The following PCDH11X variants were observed in gnomAD, a reference collection of about 807,000 sequenced individuals.
PCDH11X encodes protocadherin-11 X-linked.
A neutral mutation model predicts 53.3 loss-of-function variants in PCDH11X; 18 were observed. That is an observed-to-expected ratio of 0.34 (90% confidence interval 0.23 to 0.50). PCDH11X has a LOEUF of 0.50. Ranked by LOEUF, PCDH11X falls within the 20% of genes least tolerant of loss-of-function variation. PCDH11X has a pLI of 0.98. For synonymous variants in PCDH11X, 279 were observed against 393.3 expected, an observed-to-expected ratio of 0.71 and a Z score of 3.44; for missense variants, 570 against 1,032.4, an observed-to-expected ratio of 0.55 and a Z score of 6.14.
chrX:92,286,068 G>A (rs943641015), intron 8 of PCDH11X, among the ~76,000 whole-genome samples: 26 of 111,232 alleles, frequency 2.3e-4, no homozygotes, highest in Non-Finnish European at 4.3e-4. Flanking sequence ...CCCTCATTCC[G>A]GTAAACCCAC....
intron 9 of PCDH11X, among the ~76,000 whole-genome samples, chrX:92,402,232 A>G (rs2071402592): frequency 8.9e-6 from 1 of 111,892 alleles, no homozygotes; most frequent in Admixed American, 9.6e-5. Context: ...TACAGATTCA[A>G]TTCTATTCCT....
chrX:92,416,936 A>G (rs1433007715), intron 9 of PCDH11X, among the ~76,000 whole-genome samples: 1 of 110,825 alleles, frequency 9.0e-6, no homozygotes. Context: ...ATTTTTTTTT[A>G]GTTTAACATT....
chrX:91,971,115 T>G (rs1456845462), intron 6 of PCDH11X, among the ~76,000 whole-genome samples: 1 of 111,987 alleles, frequency 8.9e-6, no homozygotes, highest in Non-Finnish European at 1.9e-5. Flanking sequence ...GTAAGAGATG[T>G]ATAGCTCAAG....
intron 10 of PCDH11X, among the ~76,000 whole-genome samples, chrX:92,505,199 TAA>T: frequency 1.1e-5 from 1 of 93,971 alleles, no homozygotes; most frequent in Non-Finnish European, 2.1e-5. Flanking sequence ...CACTTTAGTT[TAA>T]TTAAGTCACA....
intron 6 of PCDH11X, among the ~76,000 whole-genome samples, chrX:91,932,727 A>G (rs2061404512): frequency 1.8e-5 from 2 of 111,269 alleles, no homozygotes; most frequent in South Asian, 3.8e-4. Context: ...AGAAAGAGAT[A>G]GAGGGAGAGA....
intron 6 of PCDH11X, among the ~76,000 whole-genome samples, chrX:92,024,730 A>C (rs1469223490): frequency 2.2e-3 from 234 of 108,240 alleles, no homozygotes; most frequent in African/African-American, 7.4e-3. Flanking sequence ...AAAAAAAAAA[A>C]AAAAAAACAA....
chrX:92,226,402 T>C (rs957036946), intron 7 of PCDH11X, among the ~76,000 whole-genome samples: 9 of 111,491 alleles, frequency 8.1e-5, no homozygotes, highest in African/African-American at 2.9e-4. Flanking sequence ...TCTTGTCCTG[T>C]CTATGCTATT....
intron 10 of PCDH11X, among the ~76,000 whole-genome samples, chrX:92,575,387 CTAATTTAAATTTTAAAAATTTAA>C (rs1922711226): frequency 9.2e-6 from 1 of 108,201 alleles, no homozygotes; most frequent in Non-Finnish European, 1.9e-5. Flanking sequence ...TGAAAATTTA[CTAATTTAAATTTTAAAAATTTAA>C]TAATTTTTAT....
chrX:91,815,379 C>CCTGAATG (rs1431831210), intron 4 of PCDH11X, among the ~76,000 whole-genome samples: 1 of 111,279 alleles, frequency 9.0e-6, no homozygotes, highest in African/African-American at 3.3e-5. Context: ...GATGTGAAGC[C>CCTGAATG]CTGAATGGTT....
intron 7 of PCDH11X, among the ~76,000 whole-genome samples, chrX:92,227,883 T>C (rs763347800): frequency 9.0e-6 from 1 of 111,512 alleles, no homozygotes; most frequent in South Asian, 3.7e-4. Context: ...GCAAAATAGT[T>C]GTATATATTT....
rs145126417 is a variant in PCDH11X, at chrX:92,520,955, G to A, written c.3367+52633G>A. Among the ~76,000 whole-genome samples, 17 of 111,143 alleles carry A rather than the reference G, an allele frequency of 1.5e-4. No individual in the cohort carries two copies. The East Asian group carries it at 4.9e-3, about 32-fold the overall frequency. ...TGGAGCAATTCAGTCACATCTTCAG[G>A]CTGCACTTTTAATTCTAGTTCTCTT... On this transcript the variant is annotated intron_variant, in intron 10 of 10. Coordinates refer to ENST00000682573, the MANE Select transcript of PCDH11X (RefSeq NM_032968.5).
chrX:92,199,644 C>G (rs181977989), intron 6 of PCDH11X, among the ~76,000 whole-genome samples: 1 of 109,734 alleles, frequency 9.1e-6, no homozygotes, highest in African/African-American at 3.3e-5. Flanking sequence ...AGATGATTTC[C>G]TGGTTCTTAG....
intron 4 of PCDH11X, among the ~76,000 whole-genome samples, chrX:91,829,334 G>A (rs1359353000): frequency 9.3e-6 from 1 of 107,556 alleles, no homozygotes; most frequent in South Asian, 4.1e-4. Flanking sequence ...GTGACTAATG[G>A]AAGTACTACT....
At chrX:91,864,307 T>A (rs1456658316) in intron 5 of PCDH11X, among the ~76,000 whole-genome samples, 1 of 105,111 alleles carries the variant, frequency 9.5e-6, no homozygotes, top group Non-Finnish European at 1.9e-5. Flanking sequence ...TCTAAATATG[T>A]CATGCCACTC....
intron 6 of PCDH11X, among the ~76,000 whole-genome samples, chrX:92,155,907 C>T (rs969620420): frequency 2.8e-5 from 3 of 108,441 alleles, no homozygotes; most frequent in Non-Finnish European, 5.7e-5. Context: ...GGATTACAGG[C>T]GTGAGCCACC....
intron 6 of PCDH11X, among the ~76,000 whole-genome samples, chrX:92,192,927 C>T (rs1449520382): frequency 9.0e-6 from 1 of 111,155 alleles, no homozygotes; most frequent in East Asian, 2.8e-4. Context: ...TTAGTAAAGA[C>T]GAGGTTTCAC....
intron 4 of PCDH11X, among the ~76,000 whole-genome samples, chrX:91,811,508 AAAC>A (rs1170451967): frequency 9.1e-6 from 1 of 110,103 alleles, no homozygotes; most frequent in African/African-American, 3.3e-5. Flanking sequence ...GAGAGATGTA[AAAC>A]AACAACAACA....
At chrX:92,467,399 A>T (rs1452635629) in intron 9 of PCDH11X, among the ~76,000 whole-genome samples, 1 of 110,986 alleles carries the variant, frequency 9.0e-6, no homozygotes, top group African/African-American at 3.3e-5. Flanking sequence ...CAAATTCAAA[A>T]TGTTTATCTT....
chrX:92,493,398 A>G (rs1382949096), intron 10 of PCDH11X, among the ~76,000 whole-genome samples: 3 of 110,842 alleles, frequency 2.7e-5, no homozygotes, highest in Non-Finnish European at 5.7e-5. Flanking sequence ...AATAAAGTAC[A>G]ATTTTCTTAA....
Sources: allele counts gnomAD v4.1 joint callset (sites outside exome capture counted in the v4.1 genomes callset), GRCh38; gene constraint gnomAD v4.1.1; transcripts MANE v1.5; gene names NCBI Gene and HGNC (gene_info 2026-07-23, HGNC 2026-07-21).